DIAPH3: variants seen among roughly 807,000 people sequenced by gnomAD.
DIAPH3 encodes the protein protein diaphanous homolog 3.
A neutral mutation model predicts 144.3 loss-of-function variants in DIAPH3; 117 were observed. That is an observed-to-expected ratio of 0.81 (90% CI 0.70 to 0.95). The LOEUF (loss-of-function observed/expected upper bound fraction) is 0.95. Among genes scored for constraint, DIAPH3 ranks in the 40% least tolerant of loss-of-function variants. The pLI, the probability that DIAPH3 is intolerant of heterozygous loss-of-function variation, is 0.00. For missense variants in DIAPH3, 1,421 were observed against 1,412.7 expected, an observed-to-expected ratio of 1.01 and a Z score of -0.09; for synonymous variants, 519 against 488.9, an observed-to-expected ratio of 1.06 and a Z score of -0.81.
intron 1 of DIAPH3, among the ~76,000 whole-genome samples, chr13:60,142,052 A>G (rs1479536198): frequency 1.3e-5 from 2 of 152,252 alleles, no homozygotes; most frequent in Admixed American, 1.3e-4. Flanking sequence ...TGGCTCCAAC[A>G]GGACAAAATG....
At chr13:59,698,690 TA>T (rs1421514345) in intron 27 of DIAPH3, among the ~76,000 whole-genome samples, 4 of 152,130 alleles carry the variant, frequency 2.6e-5, no homozygotes, top group Non-Finnish European at 5.9e-5. Context: ...CCTGCTTCCT[TA>T]AAAAATAGGA....
chr13:59,984,588 GA>G (rs1303934122), intron 12 of DIAPH3, among the ~76,000 whole-genome samples: 10 of 150,302 alleles, frequency 6.7e-5, no homozygotes, highest in South Asian at 2.1e-4. Context: ...GACTAATAAA[GA>G]AAAAAAGAGA....
chr13:60,090,812 T>C (rs528275302), intron 4 of DIAPH3, among the ~76,000 whole-genome samples: 3 of 152,324 alleles, frequency 2.0e-5, no homozygotes, highest in Middle Eastern at 3.4e-3. Context: ...GGAAGAGCCA[T>C]GATCCTCCAC....
At position 59,806,122 on chromosome 13, in the gene DIAPH3, C is replaced by G. The variant is rs2040179525; in HGVS notation, c.3163+4666G>C. Among the ~76,000 whole-genome samples the G allele has an allele frequency of 2.0e-5, 3 of 152,000 alleles. No homozygotes were observed. The South Asian group carries it at 6.2e-4, about 32-fold the overall frequency. On this transcript the variant is annotated intron_variant, in intron 25 of 27. Transcript: ENST00000400324. Reference sequence around the variant, plus strand: ...ATGGCAGAGTTATGTGAAGATTTCTCTCTTCCTCCATCATCCAGGGGTATG... The same window carrying G: ...ATGGCAGAGTTATGTGAAGATTTCTGTCTTCCTCCATCATCCAGGGGTATG...
At chr13:59,758,806 G>T in intron 27 of DIAPH3, among the ~76,000 whole-genome samples, 2 of 150,374 alleles carry the variant, frequency 1.3e-5, no homozygotes, top group East Asian at 1.9e-4. Flanking sequence ...AAGAGACAGG[G>T]TCTTGCTCTG....
At chr13:59,865,086 T>C (rs1348434782) in intron 21 of DIAPH3, among the ~76,000 whole-genome samples, 5 of 152,112 alleles carry the variant, frequency 3.3e-5, no homozygotes, top group Middle Eastern at 3.4e-3. Context: ...TAACATTCTC[T>C]AGAAAAATTT....
At chr13:60,143,420 T>G (rs926145939) in intron 1 of DIAPH3, among the ~76,000 whole-genome samples, 4 of 152,158 alleles carry the variant, frequency 2.6e-5, no homozygotes, top group Non-Finnish European at 5.9e-5. Context: ...AACTGTACTA[T>G]GAGGCAAACA....
intron 5 of DIAPH3, among the ~76,000 whole-genome samples, chr13:60,037,230 A>G (rs1033093601): frequency 6.6e-6 from 1 of 152,040 alleles, no homozygotes; most frequent in Non-Finnish European, 1.5e-5. Flanking sequence ...CACTCTCACT[A>G]AGGAATCTTA....
intron 24 of DIAPH3, among the ~76,000 whole-genome samples, chr13:59,813,996 T>A (rs2040634394): frequency 6.6e-6 from 1 of 152,074 alleles, no homozygotes; most frequent in African/African-American, 2.4e-5. Flanking sequence ...GGTAAGAAGA[T>A]AGGTTGTGAT....
intron 1 of DIAPH3, among the ~76,000 whole-genome samples, chr13:60,135,274 C>G (rs1158137023): frequency 1.4e-5 from 2 of 147,078 alleles, no homozygotes; most frequent in African/African-American, 5.0e-5. Flanking sequence ...TTAATATATA[C>G]ATTCTGAAAC....
At chr13:59,982,172 A>T (rs1594212496) in intron 13 of DIAPH3, among the ~76,000 whole-genome samples, 1 of 151,606 alleles carries the variant, frequency 6.6e-6, no homozygotes, top group East Asian at 1.9e-4. Context: ...ATTATTCTAA[A>T]TATTTAAAAA....
chr13:60,052,567 T>A (rs192159319), intron 4 of DIAPH3, among the ~76,000 whole-genome samples: 178 of 152,248 alleles, frequency 1.2e-3, no homozygotes, highest in African/African-American at 4.1e-3. Flanking sequence ...TGTGATGCCA[T>A]CTTCTCCACT....
intron 21 of DIAPH3, among the ~76,000 whole-genome samples, chr13:59,865,199 A>G (rs2139960154): frequency 6.6e-6 from 1 of 152,118 alleles, no homozygotes; most frequent in South Asian, 2.1e-4. Context: ...TCAAAGCATA[A>G]AATGTATTAG....
chr13:59,699,115 G>A (rs1340416924), intron 27 of DIAPH3, among the ~76,000 whole-genome samples: 1 of 152,200 alleles, frequency 6.6e-6, no homozygotes, highest in East Asian at 1.9e-4. Context: ...GCAGGAGGCA[G>A]CTCACAAGAG....
intron 4 of DIAPH3, among the ~76,000 whole-genome samples, chr13:60,083,366 G>C (rs1171446829): frequency 6.6e-6 from 1 of 151,928 alleles, no homozygotes; most frequent in Non-Finnish European, 1.5e-5. Flanking sequence ...TTTGAGAGAT[G>C]TCTCTTTGTA....
intron 21 of DIAPH3, among the ~76,000 whole-genome samples, chr13:59,868,479 C>G (rs2044061761): frequency 6.6e-6 from 1 of 152,046 alleles, no homozygotes. Context: ...CCTGTATACC[C>G]TTCCCTACAC....
At chr13:59,898,545 C>T (rs2046257331) in intron 20 of DIAPH3, among the ~76,000 whole-genome samples, 1 of 152,134 alleles carries the variant, frequency 6.6e-6, no homozygotes, top group African/African-American at 2.4e-5. Context: ...TTTAGTTTTT[C>T]ATATTTAAAA....
chr13:59,769,281 A>C (rs757093128), intron 27 of DIAPH3, among the ~76,000 whole-genome samples: 13 of 152,152 alleles, frequency 8.5e-5, no homozygotes, highest in Admixed American at 2.0e-4. Context: ...GAAAACAATC[A>C]AGAAAAGAAA....
intron 8 of DIAPH3, 43 bp downstream of exon 8, chr13:60,010,490 T>C (rs1439778557): frequency 2.0e-6 from 3 of 1,500,348 alleles, no homozygotes; most frequent in Non-Finnish European, 2.7e-6. Context: ...TCAATCTGTA[T>C]TAAATTATTA....
Sources: gnomAD v4.1 joint callset for allele counts (sites outside exome capture counted in the v4.1 genomes callset) on GRCh38, gnomAD v4.1.1 for gene constraint, MANE v1.5 for transcripts, NCBI Gene and HGNC (gene_info 2026-07-23, HGNC 2026-07-21) for gene names.